CPLANE1: variants seen among roughly 807,000 people sequenced by gnomAD.
CPLANE1 encodes ciliogenesis and planar polarity effector 1.
In CPLANE1, 263 loss-of-function variants were observed where a neutral mutation model predicts 362.5. The observed-to-expected ratio is 0.73, with a 90% CI of 0.66 to 0.80. The LOEUF is 0.80. CPLANE1 is among the 30% of genes least tolerant of loss of function. CPLANE1 has a pLI of 0.00. For synonymous variants in CPLANE1, 1,212 were observed against 1,302.6 expected (o/e 0.93, Z 1.50); for missense variants, 3,461 against 3,793.4 (o/e 0.91, Z 2.30).
At chr5:37,173,711 T>C (rs765665366) in intron 32 of CPLANE1, 44 bp downstream of exon 32, 1 of 1,479,876 alleles carries the variant, frequency 6.8e-7, no homozygotes, top group Admixed American at 1.8e-5. Context: ...ACCCTACATG[T>C]ACACTATGTG....
downstream of CPLANE1, among the ~76,000 whole-genome samples, chr5:37,101,990 CTTCT>C (rs1044266428): frequency 2.7e-5 from 4 of 150,062 alleles, no homozygotes; most frequent in African/African-American, 7.4e-5. Flanking sequence ...TCTCTCTTTT[CTTCT>C]TTATTAGTCT....
At chr5:37,239,102 C>T in intron 7 of CPLANE1, 142 bp from the exon 8 acceptor site, 1 of 430,344 alleles carries the variant, frequency 2.3e-6, no homozygotes, top group Non-Finnish European at 4.2e-6. Context: ...CAATATTGAC[C>T]CCTGGTAGCC....
intron 46 of CPLANE1, among the ~76,000 whole-genome samples, chr5:37,125,806 A>T (rs144169709): frequency 1.1e-3 from 167 of 152,250 alleles, no homozygotes; most frequent in Non-Finnish European, 2.5e-4. Flanking sequence ...TACATAGTAG[A>T]TGTATATATT....
Position 37,209,698 on chromosome 5 carries a change from T to C in CPLANE1, c.2921-3273A>G. 1 of 1,251,032 alleles carries C rather than the reference T, an allele frequency of 8.0e-7. No homozygotes were observed. Among genetic ancestry groups the C allele is most frequent in the Non-Finnish European group, 1.2e-6 (1 of 851,644 alleles). 77.5% of individuals were successfully genotyped at this position (1,251,032 alleles called of 1,614,324 possible). The stretch of plus-strand genomic sequence containing the variant: ...AAGGTATTTACTATGCAGGATCTAT[T>C]ACAACTCATTAAAATCAACCCTACT... On this transcript the variant is annotated intron_variant, in intron 16 of 52. Transcript: ENST00000651892. The surrounding 1 kb of genome is among the most constrained non-coding windows in gnomAD (Gnocchi z 4.6).
chr5:37,169,981 C>T lies in CPLANE1; in HGVS notation c.6462+60G>A, dbSNP rs142681258. Reference sequence around the variant, plus strand: ...ACCTCAGGTGTGGCCTGCCAAAGTGCTGGGATTACAGACATGAGCCACCGC... The same window carrying T: ...ACCTCAGGTGTGGCCTGCCAAAGTGTTGGGATTACAGACATGAGCCACCGC... On this transcript the variant is annotated intron_variant, in intron 33 of 52. Coordinates refer to ENST00000651892, the MANE Select transcript of CPLANE1 (RefSeq NM_001384732.1). 8,227 of 1,533,636 alleles carry T rather than the reference C, an allele frequency of 5.4e-3. 404 individuals carry two copies. The African/African-American group carries it at 0.1, about 19-fold the overall frequency.
At chr5:37,213,977 A>AT (rs911628797) in intron 15 of CPLANE1, among the ~76,000 whole-genome samples, 14 of 151,980 alleles carry the variant, frequency 9.2e-5, no homozygotes, top group African/African-American at 1.7e-4. Flanking sequence ...ATATATACAG[A>AT]TTTTTTTTCC....
rs893406811 is a variant in CPLANE1, at chr5:37,247,333, CAACTT to C, written c.81+280_81+284del. ...TATTCCCTTTTGATATATGCCATCT[CAACTT>C]AACTTAAACTTGACTTAAACATAAT... On this transcript the variant is annotated intron_variant, in intron 2 of 52. Coordinates refer to ENST00000651892, the MANE Select transcript of CPLANE1 (RefSeq NM_001384732.1). Among the ~76,000 whole-genome samples the C allele has an allele frequency of 1.1e-4, 16 of 152,080 alleles. 2 individuals carry two copies. Among genetic ancestry groups the C allele is most frequent in the Non-Finnish European group, 1.5e-5 (1 of 68,004 alleles).
chr5:37,101,274 A>G (rs1183900226), downstream of CPLANE1, among the ~76,000 whole-genome samples: 2 of 152,166 alleles, frequency 1.3e-5, no homozygotes, highest in Non-Finnish European at 2.9e-5. Context: ...ATTTAGAGGT[A>G]TGTTCCTTCA....
chr5:37,161,556 A>G (rs773072007), intron 38 of CPLANE1, among the ~76,000 whole-genome samples: 1 of 152,238 alleles, frequency 6.6e-6, no homozygotes, highest in African/African-American at 2.4e-5. Context: ...TATGTTAAAG[A>G]TACACTCTAA....
Position 37,213,702 on chromosome 5 carries a change from A to G in CPLANE1, c.2777T>C (p.Met926Thr). The change falls in exon 16 of 53, where the codon ATG (methionine) becomes ACG (threonine). Residue 926 changes from methionine (M) to threonine (T), a missense_variant. Coordinates refer to ENST00000651892, the MANE Select transcript of CPLANE1 (RefSeq NM_001384732.1). ...TGCCTCAGGATGAACACCGCCCACC[A>G]TTCCACACTCAAAATGAGACTTTGC... is the stretch of plus-strand genomic sequence containing the variant. ...GAAKSHFECGMVGGVHPEAAV... is the reference protein window; with the variant it reads ...GAAKSHFECGTVGGVHPEAAV... 6.6e-7 allele frequency: 1 copy of G among 1,522,552 alleles called. No individual in the cohort carries two copies. The highest frequency in any genetic ancestry group is 8.9e-7 in the Non-Finnish European group (1 of 1,129,124). 94.3% of individuals were successfully genotyped at this position (1,522,552 alleles called of 1,614,324 possible).
chr5:37,145,773 C>T (rs984403058), intron 43 of CPLANE1, among the ~76,000 whole-genome samples: 1 of 151,830 alleles, frequency 6.6e-6, no homozygotes, highest in Admixed American at 6.6e-5. Context: ...GGCAAAAAAA[C>T]CACCATGAAA....
intron 16 of CPLANE1, chr5:37,210,937 T>C (rs915092810): frequency 1.3e-6 from 1 of 779,494 alleles, no homozygotes; most frequent in Non-Finnish European, 2.4e-6. Context: ...AAGGCCCAGA[T>C]ACTAGGTTAC....
chr5:37,226,714 T>C lies in CPLANE1; in HGVS notation c.1881A>G (p.Ser627=), dbSNP rs1380757995. 1 of 1,547,086 alleles carries C rather than the reference T, an allele frequency of 6.5e-7. No individual in the cohort carries two copies. The highest frequency in any genetic ancestry group is 2.4e-5 in the East Asian group (1 of 40,822). The change falls in exon 12 of 53, where the codon TCA becomes TCG. Residue 627 remains serine (S), a synonymous_variant. Coordinates refer to ENST00000651892, the MANE Select transcript of CPLANE1 (RefSeq NM_001384732.1). ...PKLDLVLSKS[S]RHNAWILCIF... is the part of the protein sequence containing the mutation. ...TACAAAGTATCCATGCATTATGTCT[T>C]GAGCTTTTGCTTAAAACAAGATCAA...
At position 37,184,876 on chromosome 5, in the gene CPLANE1, G is replaced by A; in HGVS notation, c.4393C>T (p.Leu1465=). The A allele has an allele frequency of 5.6e-6, 9 of 1,613,722 alleles. No individual in the cohort carries two copies. Among genetic ancestry groups the A allele is most frequent in the Non-Finnish European group, 7.6e-6 (9 of 1,179,678 alleles). ...TCACTGTGAACCACAGAATCTCCTAGTTCTGTGAGTGTACTTCTGCTCAAA... is the reference window on the plus strand; with the variant it reads ...TCACTGTGAACCACAGAATCTCCTAATTCTGTGAGTGTACTTCTGCTCAAA... ...TSLSRSTLTE[L]GDSVVHSDAD... The change falls in exon 25 of 53, where the codon CTA becomes TTA. Residue 1465 remains leucine, a synonymous_variant. Transcript: ENST00000651892.
At chr5:37,130,713 TGTGATAAAGTGTAATACAGTG>T (rs1765507384) in intron 46 of CPLANE1, 1 of 153,280 alleles carries the variant, frequency 6.5e-6, no homozygotes, top group Non-Finnish European at 1.5e-5. Flanking sequence ...GTAATACAGT[TGTGATAAAGTGTAATACAGTG>T]GTGATGCATC....
In CPLANE1 at chr5:37,138,525, C is replaced by G. The variant is rs77302724; in HGVS notation, c.8792+195G>C. On this transcript the variant is annotated intron_variant, in intron 46 of 52. Transcript: ENST00000651892. The stretch of plus-strand genomic sequence containing the variant: ...TTAGAGTGATTCTTGGGAAAACCCA[C>G]AGGATACAGTTATATACTATATATT... The G allele has an allele frequency of 1.5e-3, 1,091 of 715,216 alleles. 13 individuals are homozygous for G. The East Asian group carries it at 0.026, about 17-fold the overall frequency. 44.3% of individuals were successfully genotyped at this position (715,216 alleles called of 1,614,324 possible). A position where few individuals can be genotyped will look rare whatever the true frequency, so the allele number is the denominator to read the frequency against.
chr5:37,198,655 G>T, intron 20 of CPLANE1, 47 bp downstream of exon 20: 1 of 1,524,586 alleles, frequency 6.6e-7, no homozygotes, highest in Non-Finnish European at 8.9e-7. Flanking sequence ...ATAAATATGA[G>T]TAATTTCAGT....
intron 46 of CPLANE1, among the ~76,000 whole-genome samples, chr5:37,133,695 G>C (rs1026231241): frequency 1.3e-5 from 2 of 151,856 alleles, no homozygotes; most frequent in African/African-American, 4.8e-5. Flanking sequence ...AGGTTTTCTA[G>C]GTATAGAATC....
In CPLANE1 at chr5:37,184,796, G is replaced by C. The variant is rs1197470926; in HGVS notation, c.4473C>G (p.Ile1491Met). The C allele has an allele frequency of 2.5e-6, 4 of 1,609,262 alleles. No individual in the cohort carries two copies. The highest frequency in any genetic ancestry group is 3.4e-6 in the Non-Finnish European group (4 of 1,178,294). The stretch of plus-strand genomic sequence containing the variant: ...AAAGATCTCAATTGTACCTTTGATA[G>C]ATATTTATCCTACTTTTTTCTTCAA... ...LSVEEKSRIN[I>M]YQRNAPNHME... The change falls in exon 25 of 53, where the codon ATC becomes ATG. Residue 1491 changes from isoleucine (I) to methionine (M), a missense_variant. Physicochemically the swap from Ile to Met is conservative, Grantham distance 10. Transcript: ENST00000651892.
Sources: allele counts gnomAD v4.1 joint callset (sites outside exome capture counted in the v4.1 genomes callset), GRCh38; gene constraint gnomAD v4.1.1; non-coding constraint Gnocchi (gnomAD v3.1); transcripts MANE v1.5; gene names NCBI Gene and HGNC (gene_info 2026-07-23, HGNC 2026-07-21).